LRRC37A: variants seen among roughly 807,000 people sequenced by gnomAD.
LRRC37A encodes leucine rich repeat containing 37A.
Under a neutral mutation model 35.4 loss-of-function variants are expected in LRRC37A, and 3 were observed. That is an observed-to-expected ratio of 0.08 (90% CI 0.04 to 0.22). The LOEUF is 0.22. LRRC37A is among the 10% of genes least tolerant of loss of function. LRRC37A has a pLI of 1.00. For synonymous variants in LRRC37A, 23 were observed against 215.0 expected, an observed-to-expected ratio of 0.11 and a Z score of 7.81; for missense variants, 67 against 565.3, an observed-to-expected ratio of 0.12 and a Z score of 8.94.
the LRRC37A span, among the ~76,000 whole-genome samples, chr17:46,249,399 G>T: frequency 6.6e-6 from 1 of 152,298 alleles, no homozygotes; most frequent in East Asian, 1.9e-4. Context: ...CCCAGCAGTG[G>T]CCTCTTCATA....
chr17:46,270,274 G>A, the LRRC37A span, among the ~76,000 whole-genome samples: 1 of 152,206 alleles, frequency 6.6e-6, no homozygotes, highest in African/African-American at 2.4e-5. Flanking sequence ...ATCCAGGACG[G>A]GACGCTAGGG....
chr17:46,281,230 C>G, the LRRC37A span, among the ~76,000 whole-genome samples: 12 of 152,218 alleles, frequency 7.9e-5, no homozygotes, highest in Non-Finnish European at 1.0e-4. Context: ...CTTGCTCCCC[C>G]CACCCCTCAT....
At position 46,319,212 on chromosome 17, in the gene LRRC37A, A is replaced by ATTTTTTT. The variant is rs1225879085; in HGVS notation, c.2907-3079_2907-3073dup. On this transcript the variant is annotated intron_variant, in intron 5 of 13. Coordinates refer to ENST00000320254, the Ensembl canonical transcript of LRRC37A. ...GTTCTGAAAAAGTTTATTGTGGTCA[A>ATTTTTTT]TTTTTTTTTTTTTTTTTTTTTTTTT... 3.0e-3 allele frequency among the ~76,000 whole-genome samples: 5 copies of ATTTTTTT among 1,640 alleles called. 1 individual carries two copies. Among genetic ancestry groups the ATTTTTTT allele is most frequent in the Non-Finnish European group, 7.8e-3 (5 of 638 alleles). 1.1% of individuals were successfully genotyped at this position (1,640 alleles called of 152,430 possible). A position where few individuals can be genotyped will look rare whatever the true frequency, so the allele number is the denominator to read the frequency against.
chr17:46,270,416 A>T, the LRRC37A span, among the ~76,000 whole-genome samples: 3 of 152,362 alleles, frequency 2.0e-5, no homozygotes, highest in Non-Finnish European at 4.4e-5. Context: ...CTACTGAGAG[A>T]TTTCTAGAGT....
At chr17:46,274,040 A>G in the LRRC37A span, among the ~76,000 whole-genome samples, 2 of 152,212 alleles carry the variant, frequency 1.3e-5, no homozygotes, top group South Asian at 2.1e-4. Context: ...CGTGATGACA[A>G]TTGACTGGGA....
At chr17:46,271,205 G>T in the LRRC37A span, among the ~76,000 whole-genome samples, 4 of 129,722 alleles carry the variant, frequency 3.1e-5, no homozygotes, top group African/African-American at 1.2e-4. Flanking sequence ...CGCTCTTGTT[G>T]CCTAGGCTGG....
At chr17:46,268,742 A>G in the LRRC37A span, 2 of 1,308,478 alleles carry the variant, frequency 1.5e-6, no homozygotes, top group Non-Finnish European at 2.0e-6. Flanking sequence ...CGGCAACAAG[A>G]CATGAAAGGT....
chr17:46,271,158 T>C, the LRRC37A span, among the ~76,000 whole-genome samples: 22 of 149,168 alleles, frequency 1.5e-4, no homozygotes, highest in Admixed American at 1.0e-3. Context: ...CCTATGGTAA[T>C]AGTTTCTTTT....
At chr17:46,261,947 T>G in the LRRC37A span, among the ~76,000 whole-genome samples, 1 of 151,684 alleles carries the variant, frequency 6.6e-6, no homozygotes. Context: ...CTAAAGACAA[T>G]TATTATTATT....
intron 5 of LRRC37A, among the ~76,000 whole-genome samples, chr17:46,315,931 TTC>T (rs1491418409): frequency 1.4e-5 from 1 of 71,364 alleles, no homozygotes; most frequent in African/African-American, 3.7e-5. Flanking sequence ...TTTTTTTTTT[TTC>T]TTTATTTTGG....
At chr17:46,264,146 C>CTTTTT in the LRRC37A span, among the ~76,000 whole-genome samples, 17,437 of 138,130 alleles carry the variant, frequency 0.13, 10 homozygotes, top group Middle Eastern at 0.2. Flanking sequence ...CCTCAGCTGA[C>CTTTTT]TTTTTTTTTT....
At chr17:46,255,366 T>C in the LRRC37A span, among the ~76,000 whole-genome samples, 1 of 113,630 alleles carries the variant, frequency 8.8e-6, no homozygotes, top group Admixed American at 9.4e-5. Context: ...CCAAATTCTT[T>C]TTTTTTTTTT....
chr17:46,255,538 G>A, the LRRC37A span, among the ~76,000 whole-genome samples: 2 of 149,786 alleles, frequency 1.3e-5, no homozygotes, highest in Non-Finnish European at 1.5e-5. Context: ...GGCTAATTTT[G>A]TATTTTTAGT....
At chr17:46,265,860 G>A in the LRRC37A span, among the ~76,000 whole-genome samples, 1 of 152,356 alleles carries the variant, frequency 6.6e-6, no homozygotes, top group Non-Finnish European at 1.5e-5. Context: ...ACTTTGGAAG[G>A]CCAAGGCGGG....
chr17:46,265,366 T>C, the LRRC37A span, among the ~76,000 whole-genome samples: 3 of 112,370 alleles, frequency 2.7e-5, no homozygotes, highest in South Asian at 7.3e-4. Flanking sequence ...TCCTTCTCCT[T>C]CTTCTCCTTC....
chr17:46,290,373 A>G (rs1209400577), upstream of LRRC37A, among the ~76,000 whole-genome samples: 3 of 121,452 alleles, frequency 2.5e-5, no homozygotes, highest in African/African-American at 7.7e-5. Context: ...TGATCCACCC[A>G]CCTCAGCCTT....
the LRRC37A span, among the ~76,000 whole-genome samples, chr17:46,265,483 T>TC: frequency 9.1e-6 from 1 of 110,404 alleles, no homozygotes; most frequent in Admixed American, 1.1e-4. Context: ...TCTTCTTCTT[T>TC]CTTTTTTTTT....
the LRRC37A span, among the ~76,000 whole-genome samples, chr17:46,253,890 A>G: frequency 2.0e-5 from 3 of 152,216 alleles, no homozygotes; most frequent in Admixed American, 2.0e-4. Flanking sequence ...GCTGTGAATA[A>G]CCGCTATGTA....
At chr17:46,277,641 C>CTTTTCT in the LRRC37A span, among the ~76,000 whole-genome samples, 7,250 of 144,500 alleles carry the variant, frequency 0.05, no homozygotes, top group Middle Eastern at 0.079. Context: ...CTTTTCTTTT[C>CTTTTCT]TTTCTTTCTT....
Sources: allele counts gnomAD v4.1 joint callset (sites outside exome capture counted in the v4.1 genomes callset), GRCh38; gene constraint gnomAD v4.1.1; transcripts MANE v1.5; gene names NCBI Gene and HGNC (gene_info 2026-07-23, HGNC 2026-07-21).